The following LAMC1 variants were observed in gnomAD, a reference collection of about 807,000 sequenced individuals.
The protein encoded by LAMC1 is laminin subunit gamma-1.
Under a neutral mutation model 173.6 loss-of-function variants are expected in LAMC1, and 38 were observed. The observed-to-expected ratio is 0.22, with a 90% CI of 0.17 to 0.29. LAMC1 has a LOEUF of 0.29. Ranked by LOEUF, LAMC1 falls within the 10% of genes least tolerant of loss-of-function variation. The pLI is 1.00. For synonymous variants in LAMC1, 746 were observed against 749.1 expected, an observed-to-expected ratio of 1.00 and a Z score of 0.07; for missense variants, 1,824 against 2,051.8, an observed-to-expected ratio of 0.89 and a Z score of 2.14.
At chr1:183,137,261 A>G (rs1053258063) in intron 25 of LAMC1, among the ~76,000 whole-genome samples, 1 of 152,184 alleles carries the variant, frequency 6.6e-6, no homozygotes, top group African/African-American at 2.4e-5. Flanking sequence ...ATTATGATGA[A>G]CTGCCAAGAA....
Position 183,145,546 on chromosome 1 carries a change from A to T in LAMC1, c.*2756A>T, listed in dbSNP as rs1289216948. 6.6e-6 allele frequency: 1 copy of T among 152,536 alleles called. No individual in the cohort carries two copies. Among genetic ancestry groups the T allele is most frequent in the Non-Finnish European group, 1.5e-5 (1 of 68,020 alleles). 9.4% of individuals were successfully genotyped at this position (152,536 alleles called of 1,614,324 possible). On this transcript the variant is annotated 3_prime_UTR_variant, in exon 28 of 28. Coordinates refer to ENST00000258341, the MANE Select transcript of LAMC1 (RefSeq NM_002293.4). ...ACTTGGCATTTTTATGTTTTAAGAAAAACAGTATTTTATTTATAATAAAAT... is the reference window on the plus strand; with the variant it reads ...ACTTGGCATTTTTATGTTTTAAGAATAACAGTATTTTATTTATAATAAAAT...
At chr1:183,085,672 A>G (rs1571430626) in intron 1 of LAMC1, among the ~76,000 whole-genome samples, 1 of 152,226 alleles carries the variant, frequency 6.6e-6, no homozygotes, top group South Asian at 2.1e-4. Flanking sequence ...TCCCGGCTGT[A>G]TACTTTTCAA....
intron 1 of LAMC1, among the ~76,000 whole-genome samples, chr1:183,081,045 C>G (rs944207435): frequency 6.6e-6 from 1 of 151,944 alleles, no homozygotes; most frequent in African/African-American, 2.4e-5. Context: ...CCTGCCACCA[C>G]GCCCGGCTAA....
intron 1 of LAMC1, among the ~76,000 whole-genome samples, chr1:183,062,885 C>G (rs1288502564): frequency 6.6e-6 from 1 of 151,930 alleles, no homozygotes; most frequent in South Asian, 2.1e-4. Flanking sequence ...ACCCAGGAGG[C>G]AGAGTTGCAG....
chr1:183,047,872 C>T (rs915946740), intron 1 of LAMC1, among the ~76,000 whole-genome samples: 2 of 152,168 alleles, frequency 1.3e-5, no homozygotes, highest in Non-Finnish European at 2.9e-5. Flanking sequence ...TACACATAAA[C>T]AGTTTTTTTC....
chr1:183,094,033 A>C (rs932077177), intron 1 of LAMC1, among the ~76,000 whole-genome samples: 11 of 152,308 alleles, frequency 7.2e-5, no homozygotes, highest in African/African-American at 2.6e-4. Flanking sequence ...TCTTATTCAG[A>C]GTACAAACCA....
In LAMC1 at chr1:183,128,712, A is replaced by C. The variant is rs369208138; in HGVS notation, c.3242A>C (p.Glu1081Ala). The change falls in exon 18 of 28, where the codon GAA becomes GCA. Residue 1081 changes from glutamate (E) to alanine (A), a missense_variant. Transcript: ENST00000258341. Reference protein sequence around the residue: ...FEDRLKEAEREVMDLLREAQD... With the variant: ...FEDRLKEAERAVMDLLREAQD... ...GATAGACTAAAGGAAGCAGAGAGGG[A>C]AGTTATGGACCTCCTTCGTGAGGCC... The C allele has an allele frequency of 2.5e-6, 4 of 1,613,252 alleles. No individual in the cohort carries two copies. The highest frequency in any genetic ancestry group is 1.3e-5 in the African/African-American group (1 of 74,902).
intron 1 of LAMC1, among the ~76,000 whole-genome samples, chr1:183,098,017 A>G (rs1428865909): frequency 1.3e-5 from 2 of 152,072 alleles, no homozygotes; most frequent in Non-Finnish European, 2.9e-5. Flanking sequence ...CCAGAAATGC[A>G]CTTACTGTTT....
intron 26 of LAMC1, 70 bp from the exon 27 acceptor site, chr1:183,140,334 A>C (rs1028123693): frequency 2.5e-6 from 2 of 797,614 alleles, no homozygotes; most frequent in African/African-American, 3.6e-5. Flanking sequence ...TTGTTGGGTC[A>C]TTGGGAAAAA....
At position 183,133,413 on chromosome 1, in the gene LAMC1, C is replaced by A. The variant is rs1172786744; in HGVS notation, c.3712C>A (p.Gln1238Lys). 4 of 1,613,012 alleles carry A rather than the reference C, an allele frequency of 2.5e-6. No homozygotes were observed. Among genetic ancestry groups the A allele is most frequent in the Non-Finnish European group, 3.4e-6 (4 of 1,179,388 alleles). The change falls in exon 22 of 28, where the codon CAA becomes AAA. Residue 1238 changes from glutamine (Q) to lysine (K), a missense_variant. Physicochemically the swap from Gln to Lys is moderately conservative, Grantham distance 53. Transcript: ENST00000258341. The stretch of plus-strand genomic sequence containing the variant: ...ACATTATTTGTGTCTTAGGTATGAA[C>A]AAGCGAAGAACATCTCACAGGATCT... ...EIEELNRKYE[Q>K]AKNISQDLEK...
In LAMC1 at chr1:183,144,619, G is replaced by C. The variant is rs1657206153; in HGVS notation, c.*1829G>C. 6.6e-6 allele frequency: 1 copy of C among 152,208 alleles called. No individual in the cohort carries two copies. The highest frequency in any genetic ancestry group is 2.4e-5 in the African/African-American group (1 of 41,446). 9.4% of individuals were successfully genotyped at this position (152,208 alleles called of 1,614,324 possible). A position where few individuals can be genotyped will look rare whatever the true frequency, so the allele number is the denominator to read the frequency against. ...AGCACGGTGGTTTTACAATGTTCCAGAGCAGGAACGCCAGGTTGACAAGCT... is the reference window on the plus strand; with the variant it reads ...AGCACGGTGGTTTTACAATGTTCCACAGCAGGAACGCCAGGTTGACAAGCT... On this transcript the variant is annotated 3_prime_UTR_variant, in exon 28 of 28. Coordinates refer to ENST00000258341, the MANE Select transcript of LAMC1 (RefSeq NM_002293.4).
rs1440247347 is a variant in LAMC1 at position 183,110,519 on chromosome 1, A to G, written c.886A>G (p.Met296Val). ...ATGTAATGGACACGCAAGCGAGTGTATGAAGAACGAATTTGATAAGCTGGT... is the reference window on the plus strand; with the variant it reads ...ATGTAATGGACACGCAAGCGAGTGTGTGAAGAACGAATTTGATAAGCTGGT... ...CKCNGHASEC[M>V]KNEFDKLVCN... The change falls in exon 4 of 28, where the codon ATG becomes GTG. Residue 296 changes from methionine to valine, a missense_variant. By Grantham distance (21) the Met-to-Val change is conservative. Coordinates refer to ENST00000258341, the MANE Select transcript of LAMC1 (RefSeq NM_002293.4). The G allele has an allele frequency of 1.2e-6, 2 of 1,613,608 alleles. No homozygotes were observed. Among genetic ancestry groups the G allele is most frequent in the East Asian group, 4.5e-5 (2 of 44,890 alleles).
chr1:183,137,627 G>T, intron 25 of LAMC1, 42 bp from the exon 26 acceptor site: 1 of 1,432,036 alleles, frequency 7.0e-7, no homozygotes. Flanking sequence ...TGAGAAAAAG[G>T]AAAGCTTTTT....
chr1:183,128,810 C>T (rs2102099975), intron 18 of LAMC1, 60 bp downstream of exon 18: 1 of 1,339,928 alleles, frequency 7.5e-7, no homozygotes, highest in Non-Finnish European at 1.0e-6. Context: ...AGATGTGGCT[C>T]CTAAAGCAAG....
Position 183,130,433 on chromosome 1 carries a change from A to G in LAMC1, c.3370A>G (p.Ile1124Val), listed in dbSNP as rs779447571. ...CCGTTTACAGAATATCCGGAATACC[A>G]TTGAAGAGACTGGAAACTTGGCTGA... is the stretch of plus-strand genomic sequence containing the variant. ...ISRLQNIRNT[I>V]EETGNLAEQA... The change falls in exon 19 of 28, where the codon ATT (isoleucine) becomes GTT (valine). Residue 1124 changes from isoleucine to valine, a missense_variant. Coordinates refer to ENST00000258341, the MANE Select transcript of LAMC1 (RefSeq NM_002293.4). 5.0e-6 allele frequency: 8 copies of G among 1,614,186 alleles called. No homozygotes were observed. The highest frequency in any genetic ancestry group is 1.7e-5 in the Admixed American group (1 of 60,022).
chr1:183,070,936 G>A (rs1654994996), intron 1 of LAMC1, among the ~76,000 whole-genome samples: 1 of 152,072 alleles, frequency 6.6e-6, no homozygotes, highest in Admixed American at 6.6e-5. Context: ...TCCCTGTGGT[G>A]GTCTGCAAGA....
intron 1 of LAMC1, among the ~76,000 whole-genome samples, chr1:183,085,650 A>G (rs1655407648): frequency 6.6e-6 from 1 of 152,176 alleles, no homozygotes; most frequent in Non-Finnish European, 1.5e-5. Context: ...GATTGCAGGC[A>G]TAAGCCAGCA....
chr1:183,071,391 G>A (rs1351803575), intron 1 of LAMC1, among the ~76,000 whole-genome samples: 1 of 152,126 alleles, frequency 6.6e-6, no homozygotes, highest in Admixed American at 6.5e-5. Flanking sequence ...GCATAGTACT[G>A]TCTTTGTTTT....
chr1:183,102,108 C>T (rs988274209), intron 1 of LAMC1, among the ~76,000 whole-genome samples: 1 of 152,136 alleles, frequency 6.6e-6, no homozygotes, highest in African/African-American at 2.4e-5. Flanking sequence ...GAGGGGGACT[C>T]CAGCCGGCAG....
Sources: gnomAD v4.1 joint callset for allele counts (sites outside exome capture counted in the v4.1 genomes callset) on GRCh38, gnomAD v4.1.1 for gene constraint, MANE v1.5 for transcripts, NCBI Gene and HGNC (gene_info 2026-07-23, HGNC 2026-07-21) for gene names.